The following REELD1 variants were observed in gnomAD, a reference collection of about 807,000 sequenced individuals.
REELD1 encodes the protein reelin domain-containing protein 1.
In REELD1, 12 loss-of-function variants were observed where a neutral mutation model predicts 6.3. The ratio of observed to expected loss-of-function variants is 1.89; its 90% CI spans 1.21 to 3.07. The LOEUF is 3.07. Among genes scored for constraint, REELD1 ranks in the 30% most tolerant of loss-of-function variants. REELD1 has a pLI of 0.00. For missense variants in REELD1, 163 were observed against 86.8 expected (o/e 1.88, Z -3.49); for synonymous variants, 57 against 33.6 (o/e 1.70, Z -2.42).
intron 6 of REELD1, 23 bp from the exon 7 acceptor site, chr4:146,229,002 A>G (rs2110926711): frequency 2.8e-6 from 2 of 702,352 alleles, no homozygotes; most frequent in East Asian, 2.7e-5. Flanking sequence ...ACCTGTTTTC[A>G]GCCCTTCCAT....
Position 146,228,284 on chromosome 4 carries a change from G to A in REELD1, c.670G>A (p.Glu224Lys), listed in dbSNP as rs1252368733. ...FAVALPGAAE[E>K]DNLDPVPASI... ...TGTTGCCCTTCCTGGAGCTGCAGAGGAGGACAACCTAGATCCTGTTCCTGC... is the reference window on the plus strand; with the variant it reads ...TGTTGCCCTTCCTGGAGCTGCAGAGAAGGACAACCTAGATCCTGTTCCTGC... Residue 224 changes from glutamate to lysine, a missense_variant, in exon 6 of 8, where the codon GAG becomes AAG. By Grantham distance (56) the Glu-to-Lys change is moderately conservative (BLOSUM62 1). Transcript: ENST00000623665. 2 of 702,566 alleles carry A rather than the reference G, an allele frequency of 2.8e-6. No homozygotes were observed. The highest frequency in any genetic ancestry group is 3.0e-5 in the South Asian group (2 of 67,598). The allele number at this position is 702,566 out of a possible 1,614,324, so 43.5% of individuals were successfully genotyped here. A position where few individuals can be genotyped will look rare whatever the true frequency, so the allele number is the denominator to read the frequency against.
Position 146,230,045 on chromosome 4 carries a change from G to C in REELD1, c.1113G>C (p.Gln371His). ...CAAGCAACCCAATCCCTGTCCTCCA[G>C]ACCTCTGGCACTTCTGGGCTACCTG... ...VRASNPIPVL[Q>H]TSGTSGLPAA... Residue 371 changes from glutamine to histidine, a missense_variant, in exon 8 of 8, where the codon CAG (glutamine) becomes CAC (histidine). Coordinates refer to ENST00000623665, the MANE Select transcript of REELD1 (RefSeq NM_001354631.1). 1 of 398,738 alleles carries C rather than the reference G, an allele frequency of 2.5e-6. No individual in the cohort carries two copies. The highest frequency in any genetic ancestry group is 4.4e-6 in the Non-Finnish European group (1 of 226,140). The allele number at this position is 398,738 out of a possible 1,614,324, so 24.7% of individuals were successfully genotyped here.
At chr4:146,219,382 T>C (rs1730881434) in intron 3 of REELD1, among the ~76,000 whole-genome samples, 1 of 152,194 alleles carries the variant, frequency 6.6e-6, no homozygotes, top group African/African-American at 2.4e-5. Context: ...AGTATACTGT[T>C]TTCTTGCCGG....
Position 146,231,508 on chromosome 4 carries a change from A to G in REELD1, c.*995A>G, listed in dbSNP as rs532994326. On this transcript the variant is annotated 3_prime_UTR_variant, in exon 8 of 8. Coordinates refer to ENST00000623665, the MANE Select transcript of REELD1 (RefSeq NM_001354631.1). The stretch of plus-strand genomic sequence containing the variant: ...TGAGGTCAAAACAACAGATCTGAAT[A>G]TAACTCTTAAATATGCTCACCTAAT... Among the ~76,000 whole-genome samples, 41 of 152,362 alleles carry G rather than the reference A, an allele frequency of 2.7e-4. No individual in the cohort carries two copies. The highest frequency in any genetic ancestry group is 7.0e-4 in the African/African-American group (29 of 41,582).
chr4:146,219,833 A>G (rs1730889102), intron 3 of REELD1, among the ~76,000 whole-genome samples: 2 of 152,244 alleles, frequency 1.3e-5, no homozygotes, highest in Non-Finnish European at 2.9e-5. Flanking sequence ...ATCTCAAATT[A>G]ATATAATCTT....
chr4:146,217,640 A>T (rs1730850191), intron 3 of REELD1, among the ~76,000 whole-genome samples: 1 of 152,264 alleles, frequency 6.6e-6, no homozygotes, highest in Non-Finnish European at 1.5e-5. Flanking sequence ...ATTAATTGTG[A>T]TCTGTATAAG....
chr4:146,222,004 T>A (rs182039119), intron 3 of REELD1, among the ~76,000 whole-genome samples: 1 of 152,352 alleles, frequency 6.6e-6, no homozygotes, highest in African/African-American at 2.4e-5. Context: ...GAAAATAATT[T>A]TTTTTAATCA....
chr4:146,226,226 G>T (rs1731019456), intron 5 of REELD1, among the ~76,000 whole-genome samples: 1 of 152,050 alleles, frequency 6.6e-6, no homozygotes, highest in Non-Finnish European at 1.5e-5. Context: ...CACCCCATTA[G>T]GTATGGTCTA....
intron 2 of REELD1, among the ~76,000 whole-genome samples, chr4:146,215,927 T>C (rs1730818367): frequency 6.6e-6 from 1 of 152,104 alleles, no homozygotes. Flanking sequence ...ATTTTTTGTA[T>C]TTTAGTAAAG....
chr4:146,230,426 G>GA lies in REELD1; in HGVS notation c.1496dup (p.Ile500AspfsTer22). ...ACAGTGGTGAGACTGTGCACGTCAG[G>GA]AAGATTGGGGAGAACAGTTTTGTTT... On this transcript the variant is annotated frameshift_variant, in exon 8 of 8. Coordinates refer to ENST00000623665, the MANE Select transcript of REELD1 (RefSeq NM_001354631.1). LOFTEE classifies it low-confidence loss of function (END_TRUNC). 1 of 398,726 alleles carries GA rather than the reference G, an allele frequency of 2.5e-6. No homozygotes were observed. The highest frequency in any genetic ancestry group is 4.4e-6 in the Non-Finnish European group (1 of 226,126). 24.7% of individuals were successfully genotyped at this position (398,726 alleles called of 1,614,324 possible).
intron 4 of REELD1, among the ~76,000 whole-genome samples, chr4:146,223,460 T>A (rs1730959905): frequency 6.6e-6 from 1 of 152,236 alleles, no homozygotes; most frequent in Non-Finnish European, 1.5e-5. Context: ...CCCGCTTACC[T>A]GTGGGTGTGC....
intron 5 of REELD1, among the ~76,000 whole-genome samples, chr4:146,227,106 C>T (rs914338084): frequency 2.0e-5 from 3 of 152,214 alleles, no homozygotes. Flanking sequence ...AAGGGTGTCT[C>T]TTCCCAGTTT....
In REELD1 at chr4:146,229,958, C is replaced by T. The variant is rs1214101283; in HGVS notation, c.1026C>T (p.Val342=). 2.5e-6 allele frequency: 1 copy of T among 398,718 alleles called. No individual in the cohort carries two copies. Among genetic ancestry groups the T allele is most frequent in the East Asian group, 3.6e-5 (1 of 28,070 alleles). 24.7% of individuals were successfully genotyped at this position (398,718 alleles called of 1,614,324 possible). A position where few individuals can be genotyped will look rare whatever the true frequency, so the allele number is the denominator to read the frequency against. The change falls in exon 8 of 8, where the codon GTC becomes GTT. Residue 342 remains valine (V), a synonymous_variant. Coordinates refer to ENST00000623665, the MANE Select transcript of REELD1 (RefSeq NM_001354631.1). ...RTVTQPPLST[V]QLTYPQCLWS... The stretch of plus-strand genomic sequence containing the variant: ...TGACACAGCCTCCTCTGTCCACCGT[C>T]CAGCTTACCTATCCCCAGTGCCTCT...
At chr4:146,217,857 T>A (rs1184978818) in intron 3 of REELD1, among the ~76,000 whole-genome samples, 1 of 152,264 alleles carries the variant, frequency 6.6e-6, no homozygotes, top group Non-Finnish European at 1.5e-5. Context: ...TTTGCTTGAC[T>A]ATAGTAACCA....
intron 3 of REELD1, 112 bp downstream of exon 3, chr4:146,217,272 C>T: frequency 2.5e-6 from 1 of 397,692 alleles, no homozygotes; most frequent in Non-Finnish European, 4.4e-6. Flanking sequence ...TGGCTTAATC[C>T]CTTTTTTTTG....
intron 2 of REELD1, 77 bp downstream of exon 2, chr4:146,215,275 G>A (rs1730803389): frequency 6.6e-6 from 1 of 152,220 alleles, no homozygotes; most frequent in Non-Finnish European, 1.5e-5. Context: ...AGAACCCTGA[G>A]CCCCCTTGAC....
In REELD1 at chr4:146,228,484, C is replaced by T; in HGVS notation, c.870C>T (p.Ser290=). Residue 290 remains serine (S), a synonymous_variant, in exon 6 of 8, where the codon TCC becomes TCT. Transcript: ENST00000623665. ...GGCTCGTGGCCCTCAAGAGAGTCTCCTCAGAGAGCTTTGCTTCCAGCCTTA... is the reference window on the plus strand; with the variant it reads ...GGCTCGTGGCCCTCAAGAGAGTCTCTTCAGAGAGCTTTGCTTCCAGCCTTA... ...LERLVALKRV[S]SESFASSLST... The T allele has an allele frequency of 1.4e-6, 1 of 702,476 alleles. No homozygotes were observed. The highest frequency in any genetic ancestry group is 2.6e-6 in the Non-Finnish European group (1 of 384,964). The allele number at this position is 702,476 out of a possible 1,614,324, so 43.5% of individuals were successfully genotyped here. A position where few individuals can be genotyped will look rare whatever the true frequency, so the allele number is the denominator to read the frequency against.
At chr4:146,217,486 C>G (rs1233991164) in intron 3 of REELD1, among the ~76,000 whole-genome samples, 1 of 152,154 alleles carries the variant, frequency 6.6e-6, no homozygotes, top group Non-Finnish European at 1.5e-5. Flanking sequence ...TCAAGTGAAC[C>G]TCCTGATTCA....
chr4:146,219,875 T>C (rs1020621568), intron 3 of REELD1, among the ~76,000 whole-genome samples: 16 of 152,218 alleles, frequency 1.1e-4, no homozygotes, highest in Admixed American at 2.0e-4. Flanking sequence ...CTGTTTAATG[T>C]TTATATTTTT....
Sources: gnomAD v4.1 joint callset for allele counts (sites outside exome capture counted in the v4.1 genomes callset) on GRCh38, gnomAD v4.1.1 for gene constraint, MANE v1.5 for transcripts, NCBI Gene and HGNC (gene_info 2026-07-23, HGNC 2026-07-21) for gene names.